The following SNTG1 variants were observed in gnomAD, a reference collection of about 807,000 sequenced individuals.
SNTG1 encodes gamma-1-syntrophin.
SNTG1 carries 39 observed loss-of-function variants against 74.7 expected under a neutral mutation model. The ratio of observed to expected loss-of-function variants is 0.52; its 90% CI spans 0.40 to 0.68. The LOEUF is 0.68. SNTG1 is among the 30% of genes least tolerant of loss of function. The pLI is 0.00. For missense variants in SNTG1, 685 were observed against 609.5 expected, an observed-to-expected ratio of 1.12 and a Z score of -1.30; for synonymous variants, 254 against 217.1, an observed-to-expected ratio of 1.17 and a Z score of -1.49.
chr8:50,333,555 A>G (rs907331208), intron 2 of SNTG1, among the ~76,000 whole-genome samples: 1 of 152,138 alleles, frequency 6.6e-6, no homozygotes, highest in Non-Finnish European at 1.5e-5. Context: ...GTACTTTCTT[A>G]TTTCTTATTA....
At chr8:50,717,750 GTGT>G (rs1188520291) in intron 17 of SNTG1, among the ~76,000 whole-genome samples, 1 of 152,214 alleles carries the variant, frequency 6.6e-6, no homozygotes, top group African/African-American at 2.4e-5. Flanking sequence ...TTATGGTAAA[GTGT>G]AAGCAAGAAA....
At chr8:50,313,253 A>C (rs1324485202) in intron 2 of SNTG1, among the ~76,000 whole-genome samples, 2 of 149,996 alleles carry the variant, frequency 1.3e-5, no homozygotes, top group Non-Finnish European at 2.9e-5. Flanking sequence ...TATTGGCTGA[A>C]CAATGATTTT....
rs535795188 is a variant in SNTG1 at position 50,387,737 on chromosome 8, C to G, written c.-27-6475C>G. ...TGCAATGATTTTGAAGTGGAACACA[C>G]GTTTAATGGGTTAAACTTTGTATCT... is the stretch of plus-strand genomic sequence containing the variant. On this transcript the variant is annotated intron_variant, in intron 2 of 18. Transcript: ENST00000642720. Among the ~76,000 whole-genome samples the G allele has an allele frequency of 1.4e-3, 212 of 152,254 alleles. 1 individual carries two copies. The highest frequency in any genetic ancestry group is 4.8e-3 in the African/African-American group (199 of 41,532).
intron 13 of SNTG1, among the ~76,000 whole-genome samples, chr8:50,627,435 T>C (rs2131084994): frequency 6.6e-6 from 1 of 152,288 alleles, no homozygotes; most frequent in African/African-American, 2.4e-5. Context: ...GACCCAGCTT[T>C]CACAACAGCA....
At chr8:50,544,123 A>G (rs2625752) in intron 11 of SNTG1, among the ~76,000 whole-genome samples, 33,138 of 151,928 alleles carry the variant, frequency 0.22, 4,716 homozygotes, top group African/African-American at 0.4. Context: ...GTAATAATTA[A>G]AAATGTTTAT....
At chr8:50,024,630 A>C (rs1817105728) in intron 1 of SNTG1, among the ~76,000 whole-genome samples, 3 of 152,164 alleles carry the variant, frequency 2.0e-5, no homozygotes. Flanking sequence ...CTACATGTAT[A>C]TCTGTGATAA....
intron 1 of SNTG1, among the ~76,000 whole-genome samples, chr8:49,998,370 A>T (rs1814431827): frequency 6.6e-6 from 1 of 152,088 alleles, no homozygotes; most frequent in Admixed American, 6.6e-5. Flanking sequence ...TTTATAAAAC[A>T]TATTTTTCTT....
At chr8:50,277,079 C>T (rs570426618) in intron 2 of SNTG1, among the ~76,000 whole-genome samples, 12 of 152,116 alleles carry the variant, frequency 7.9e-5, no homozygotes, top group Admixed American at 2.0e-4. Context: ...CCACCTGCCT[C>T]GGCCTCCCAG....
At chr8:50,384,825 T>C (rs1168251891) in intron 2 of SNTG1, among the ~76,000 whole-genome samples, 2 of 152,118 alleles carry the variant, frequency 1.3e-5, no homozygotes, top group Admixed American at 6.5e-5. Context: ...AAACTATTTG[T>C]GCCTTAGGGT....
At chr8:50,272,759 CAG>C (rs1443181887) in intron 2 of SNTG1, among the ~76,000 whole-genome samples, 1 of 152,020 alleles carries the variant, frequency 6.6e-6, no homozygotes, top group Non-Finnish European at 1.5e-5. Context: ...TTTTTATAGA[CAG>C]AGTCTTTCTC....
intron 1 of SNTG1, among the ~76,000 whole-genome samples, chr8:50,070,026 A>G (rs573639595): frequency 6.6e-6 from 1 of 152,270 alleles, no homozygotes; most frequent in Admixed American, 6.5e-5. Flanking sequence ...TATTGGCAGT[A>G]AAACACCCAC....
At chr8:50,090,028 A>G (rs2079660241) in intron 1 of SNTG1, among the ~76,000 whole-genome samples, 1 of 152,260 alleles carries the variant, frequency 6.6e-6, no homozygotes, top group East Asian at 1.9e-4. Flanking sequence ...GATCACTCCC[A>G]GGGCTAGGGC....
rs1554571332 is a variant in SNTG1 at position 50,550,693 on chromosome 8, G to GTGTGTATATATATATATATATATATATA, written c.681-2356_681-2355insGTGTATATATATATATATATATATATAT. On this transcript the variant is annotated intron_variant, in intron 11 of 18. Coordinates refer to ENST00000642720, the MANE Select transcript of SNTG1 (RefSeq NM_018967.5). ...TGATGTAATTTTTTTTAGTGTGTGT[G>GTGTGTATATATATATATATATATATATA]TATATATATATATATGACACATAAT... 2.9e-4 allele frequency among the ~76,000 whole-genome samples: 43 copies of GTGTGTATATATATATATATATATATATA among 149,014 alleles called. 1 individual carries two copies. Among genetic ancestry groups the GTGTGTATATATATATATATATATATATA allele is most frequent in the African/African-American group, 1.0e-3 (40 of 40,134 alleles).
intron 2 of SNTG1, among the ~76,000 whole-genome samples, chr8:50,357,096 A>C: frequency 6.6e-6 from 1 of 152,224 alleles, no homozygotes; most frequent in Admixed American, 6.5e-5. Context: ...TGCCTGAGAA[A>C]CTGCCCTTCC....
chr8:50,442,352 C>T (rs2093365144), intron 5 of SNTG1, among the ~76,000 whole-genome samples: 1 of 152,082 alleles, frequency 6.6e-6, no homozygotes. Context: ...CCGGTCCCTC[C>T]ACTGTCTTTA....
intron 2 of SNTG1, among the ~76,000 whole-genome samples, chr8:50,265,989 CTG>C (rs1398718016): frequency 2.0e-5 from 3 of 150,056 alleles, no homozygotes; most frequent in Non-Finnish European, 4.4e-5. Flanking sequence ...AGTAAGAACA[CTG>C]TTAAAAAAGC....
At chr8:50,754,534 T>A (rs2095575494) in intron 18 of SNTG1, among the ~76,000 whole-genome samples, 1 of 151,902 alleles carries the variant, frequency 6.6e-6, no homozygotes, top group Admixed American at 6.6e-5. Context: ...CTTGCCCATG[T>A]TCTGACAATA....
intron 1 of SNTG1, among the ~76,000 whole-genome samples, chr8:50,013,231 A>C (rs906429970): frequency 2.0e-5 from 3 of 152,132 alleles, no homozygotes; most frequent in African/African-American, 7.2e-5. Flanking sequence ...TGAGTGACAG[A>C]GTGATAAAAA....
chr8:50,277,601 T>C (rs2088189525), intron 2 of SNTG1, among the ~76,000 whole-genome samples: 1 of 152,176 alleles, frequency 6.6e-6, no homozygotes. Context: ...AATTGTGTGA[T>C]ATGATCTTAC....
Sources: gnomAD v4.1 joint callset for allele counts (sites outside exome capture counted in the v4.1 genomes callset) on GRCh38, gnomAD v4.1.1 for gene constraint, MANE v1.5 for transcripts, NCBI Gene and HGNC (gene_info 2026-07-23, HGNC 2026-07-21) for gene names.